CUL1: variants seen among roughly 807,000 people sequenced by gnomAD.
CUL1 encodes cullin 1.
Under a neutral mutation model 118.0 loss-of-function variants are expected in CUL1, and 24 were observed. The ratio of observed to expected loss-of-function variants is 0.20; its 90% CI spans 0.15 to 0.29. The LOEUF (loss-of-function observed/expected upper bound fraction) is 0.29. Among genes scored for constraint, CUL1 ranks in the 10% least tolerant of loss-of-function variants. CUL1 has a pLI of 1.00. For synonymous variants in CUL1, 332 were observed against 340.4 expected, an observed-to-expected ratio of 0.98 and a Z score of 0.27; for missense variants, 361 against 933.8, an observed-to-expected ratio of 0.39 and a Z score of 7.99.
rs199665082 is a variant in CUL1, at chr7:148,726,852, T to A, written c.-161-3110T>A. Among the ~76,000 whole-genome samples the A allele has an allele frequency of 5.2e-3, 659 of 126,046 alleles. 7 individuals are homozygous for A. The highest frequency in any genetic ancestry group is 0.019 in the African/African-American group (630 of 33,534). The allele number at this position is 126,046 out of a possible 152,430, so 82.7% of individuals were successfully genotyped here. ...CTCTACCAAAAAAAAAAAAAAAAATTTTTTTTTAAATTAGCCAGGCATGGT... is the reference window on the plus strand; with the variant it reads ...CTCTACCAAAAAAAAAAAAAAAAATATTTTTTTAAATTAGCCAGGCATGGT... On this transcript the variant is annotated intron_variant, in intron 1 of 21. Transcript: ENST00000325222.
chr7:148,741,440 GTTAT>G (rs1437434366), intron 2 of CUL1, among the ~76,000 whole-genome samples: 1 of 140,546 alleles, frequency 7.1e-6, no homozygotes, highest in Non-Finnish European at 1.6e-5. Context: ...TATTTATTTA[GTTAT>G]TTACTTACTT....
rs1290567995 is a variant in CUL1 at position 148,799,267 on chromosome 7, T to C, written c.2137-8T>C. On this transcript the variant is annotated splice_region_variant and splice_polypyrimidine_tract_variant and intron_variant, in intron 20 of 21. Coordinates refer to ENST00000325222, the MANE Select transcript of CUL1 (RefSeq NM_003592.3). Reference sequence around the variant, plus strand: ...AATGCACTTCTTTTTCCTTATCTTGTTGCATAGGCGGCCATCGTGAGAATC... The same window carrying C: ...AATGCACTTCTTTTTCCTTATCTTGCTGCATAGGCGGCCATCGTGAGAATC... The C allele has an allele frequency of 1.2e-6, 2 of 1,607,810 alleles. No individual in the cohort carries two copies. The highest frequency in any genetic ancestry group is 8.5e-7 in the Non-Finnish European group (1 of 1,174,390).
rs1563172638 is a variant in CUL1 at position 148,797,874 on chromosome 7, T to G, written c.1947+15T>G. 6.2e-7 allele frequency: 1 copy of G among 1,611,918 alleles called. No individual in the cohort carries two copies. The highest frequency in any genetic ancestry group is 1.3e-5 in the African/African-American group (1 of 74,988). On this transcript the variant is annotated intron_variant, in intron 18 of 21. Coordinates refer to ENST00000325222, the MANE Select transcript of CUL1 (RefSeq NM_003592.3). ...CGAAGCTATTGGTAGGTTTGCGCCC[T>G]TTTATCTTACACTAGAAGAAGCCTT...
intron 11 of CUL1, among the ~76,000 whole-genome samples, chr7:148,784,745 C>T (rs576827701): frequency 5.3e-5 from 8 of 152,206 alleles, no homozygotes; most frequent in East Asian, 1.9e-4. Flanking sequence ...GTTTTCCACA[C>T]GCCAAAATTA....
chr7:148,724,940 C>T (rs1253109419), intron 1 of CUL1, among the ~76,000 whole-genome samples: 1 of 152,032 alleles, frequency 6.6e-6, no homozygotes, highest in Non-Finnish European at 1.5e-5. Context: ...AATATTTTTA[C>T]CCCTTACCTA....
At position 148,730,057 on chromosome 7, in the gene CUL1, A is replaced by G. The variant is rs140787727; in HGVS notation, c.-66A>G. ...GGAATGGTACTGTATATTTTCATCTAATGGAGAACTAGCTGTACTTTGAAT... is the reference window on the plus strand; with the variant it reads ...GGAATGGTACTGTATATTTTCATCTGATGGAGAACTAGCTGTACTTTGAAT... On this transcript the variant is annotated 5_prime_UTR_variant, in exon 2 of 22. An upstream open reading frame in the 5' UTR loses its in-frame stop. Transcript: ENST00000325222. 5 of 1,535,328 alleles carry G rather than the reference A, an allele frequency of 3.3e-6. No homozygotes were observed. In the African/African-American group the frequency reaches 4.1e-5, roughly 13 times the overall value.
chr7:148,790,663 C>T (rs1800971354), intron 16 of CUL1, among the ~76,000 whole-genome samples: 1 of 152,164 alleles, frequency 6.6e-6, no homozygotes, highest in Non-Finnish European at 1.5e-5. Context: ...CAGTTTTCTC[C>T]TCCATTAATG....
intron 1 of CUL1, among the ~76,000 whole-genome samples, chr7:148,710,915 G>A (rs931225479): frequency 1.3e-5 from 2 of 152,018 alleles, no homozygotes; most frequent in South Asian, 2.1e-4. Flanking sequence ...TGATCTGCCC[G>A]CCTCGGCCTC....
At chr7:148,726,960 C>T (rs978335403) in intron 1 of CUL1, among the ~76,000 whole-genome samples, 5 of 151,922 alleles carry the variant, frequency 3.3e-5, no homozygotes, top group Non-Finnish European at 5.9e-5. Context: ...TGCAGTGAGC[C>T]GTGATCACGC....
chr7:148,703,405 A>G (rs989563129), intron 1 of CUL1, among the ~76,000 whole-genome samples: 7 of 152,240 alleles, frequency 4.6e-5, no homozygotes, highest in Admixed American at 6.5e-5. Flanking sequence ...CTGTTCAAAT[A>G]TAACAAGCTG....
At chr7:148,770,303 C>A (rs1227531652) in intron 9 of CUL1, among the ~76,000 whole-genome samples, 3 of 152,176 alleles carry the variant, frequency 2.0e-5, no homozygotes, top group Non-Finnish European at 4.4e-5. Flanking sequence ...AATTTAAGAA[C>A]CAAAACAAGA....
chr7:148,772,226 C>A (rs548127667), intron 9 of CUL1, among the ~76,000 whole-genome samples: 16 of 152,140 alleles, frequency 1.1e-4, no homozygotes, highest in Non-Finnish European at 2.4e-4. Flanking sequence ...ACCAGCCTGG[C>A]CAACATGGCG....
rs1188094172 is a variant in CUL1, at chr7:148,801,053, TTTTAAG to T, written c.*475_*480del. The T allele has an allele frequency of 6.5e-6, 1 of 153,000 alleles. No individual in the cohort carries two copies. The highest frequency in any genetic ancestry group is 1.5e-5 in the Non-Finnish European group (1 of 68,322). The allele number at this position is 153,000 out of a possible 1,614,324, so 9.5% of individuals were successfully genotyped here. A position where few individuals can be genotyped will look rare whatever the true frequency, so the allele number is the denominator to read the frequency against. On this transcript the variant is annotated 3_prime_UTR_variant, in exon 22 of 22. Transcript: ENST00000325222. The stretch of plus-strand genomic sequence containing the variant: ...TCTGTACAAGTCGCATTGGGTTTTG[TTTTAAG>T]TTTTACTAATTTCTATATGTAAATA...
chr7:148,742,964 C>T (rs1464129629), intron 2 of CUL1, among the ~76,000 whole-genome samples: 1 of 152,034 alleles, frequency 6.6e-6, no homozygotes, highest in African/African-American at 2.4e-5. Context: ...GGATTTTTAG[C>T]CTTATTCTGC....
At chr7:148,703,169 G>T (rs1265290779) in intron 1 of CUL1, among the ~76,000 whole-genome samples, 1 of 152,182 alleles carries the variant, frequency 6.6e-6, no homozygotes, top group Middle Eastern at 3.2e-3. Context: ...AAATGAAAAT[G>T]CTTTAAGGAC....
At chr7:148,778,270 A>G (rs894677469) in intron 9 of CUL1, among the ~76,000 whole-genome samples, 1 of 152,044 alleles carries the variant, frequency 6.6e-6, no homozygotes, top group Non-Finnish European at 1.5e-5. Flanking sequence ...GATTATTTCT[A>G]AATGATTTTT....
At chr7:148,799,225 A>G (rs1166522005) in intron 20 of CUL1, 50 bp from the exon 21 acceptor site, 3 of 1,408,456 alleles carry the variant, frequency 2.1e-6, no homozygotes, top group South Asian at 1.2e-5. Context: ...TATCAATACA[A>G]CGTTGTTACA....
intron 13 of CUL1, among the ~76,000 whole-genome samples, chr7:148,788,001 G>A (rs187981913): frequency 6.6e-5 from 10 of 152,354 alleles, no homozygotes; most frequent in Admixed American, 3.9e-4. Flanking sequence ...ACAAGTCCGA[G>A]ATCAGGGTGC....
At chr7:148,782,582 T>G (rs1257583955) in intron 9 of CUL1, among the ~76,000 whole-genome samples, 1 of 152,182 alleles carries the variant, frequency 6.6e-6, no homozygotes, top group Non-Finnish European at 1.5e-5. Context: ...AGACCATATT[T>G]ATATCTTATT....
Sources: allele counts gnomAD v4.1 joint callset (sites outside exome capture counted in the v4.1 genomes callset), GRCh38; gene constraint gnomAD v4.1.1; transcripts MANE v1.5; gene names NCBI Gene and HGNC (gene_info 2026-07-23, HGNC 2026-07-21).